ETFA: variants seen among roughly 807,000 people sequenced by gnomAD.
ETFA encodes the protein electron transfer flavoprotein subunit alpha, mitochondrial.
A neutral mutation model predicts 46.2 loss-of-function variants in ETFA; 22 were observed. The ratio of observed to expected loss-of-function variants is 0.48; its 90% CI spans 0.34 to 0.68. The LOEUF is 0.68. Ranked by LOEUF, ETFA falls within the 30% of genes least tolerant of loss-of-function variation. The pLI is 0.01. For missense variants in ETFA, 345 were observed against 401.1 expected (o/e 0.86, Z 1.19); for synonymous variants, 131 against 139.9 (o/e 0.94, Z 0.45).
chr15:76,233,766 A>AT (rs1432093053), intron 9 of ETFA, among the ~76,000 whole-genome samples: 1 of 152,212 alleles, frequency 6.6e-6, no homozygotes, highest in Admixed American at 6.5e-5. Context: ...TAACATAAAG[A>AT]TTTTTAAAGC....
At chr15:76,308,382 A>C (rs1053450187) in intron 1 of ETFA, among the ~76,000 whole-genome samples, 2 of 152,210 alleles carry the variant, frequency 1.3e-5, no homozygotes, top group African/African-American at 2.4e-5. Flanking sequence ...CTGGCAAACA[A>C]CACTTTGGCT....
intron 1 of ETFA, among the ~76,000 whole-genome samples, chr15:76,304,855 T>C (rs2049616405): frequency 6.6e-6 from 1 of 151,872 alleles, no homozygotes; most frequent in Admixed American, 6.6e-5. Context: ...CCATCCTGGC[T>C]AACATGGTGA....
chr15:76,290,333 CTT>C (rs10682432), intron 4 of ETFA, among the ~76,000 whole-genome samples: 4 of 97,138 alleles, frequency 4.1e-5, no homozygotes, highest in Admixed American at 1.4e-4. Flanking sequence ...AGTCGCTACT[CTT>C]TTTTTTTTTT....
chr15:76,263,450 C>T (rs368229358), intron 9 of ETFA, among the ~76,000 whole-genome samples: 10 of 152,302 alleles, frequency 6.6e-5, no homozygotes, highest in African/African-American at 1.2e-4. Context: ...GGAAGCTGAG[C>T]GCTTGGAAGA....
intron 2 of ETFA, among the ~76,000 whole-genome samples, chr15:76,295,284 CA>C (rs950429475): frequency 8.5e-5 from 13 of 152,124 alleles, no homozygotes; most frequent in Non-Finnish European, 1.9e-4. Flanking sequence ...TTCATCAACA[CA>C]AAAAAGAGAT....
chr15:76,295,933 A>ATTATTTTTTTTTTTTTTTTTTTT (rs1555459250), intron 1 of ETFA, among the ~76,000 whole-genome samples, 196 bp from the exon 2 acceptor site: 1 of 58,510 alleles, frequency 1.7e-5, no homozygotes, highest in Non-Finnish European at 4.0e-5. Flanking sequence ...TACCACTAAT[A>ATTATTTTTTTTTTTTTTTTTTTT]TTCTTTTTTT....
intron 9 of ETFA, among the ~76,000 whole-genome samples, chr15:76,269,777 C>T (rs2469541): frequency 0.46 from 69,895 of 151,952 alleles, 16,830 homozygotes; most frequent in East Asian, 0.62. Flanking sequence ...AGAAGGGAAC[C>T]TCCTCAATTT....
At chr15:76,262,898 C>T (rs1231600394) in intron 9 of ETFA, among the ~76,000 whole-genome samples, 1 of 152,028 alleles carries the variant, frequency 6.6e-6, no homozygotes, top group Non-Finnish European at 1.5e-5. Context: ...ACAATGAAGA[C>T]CAGAAGACAA....
chr15:76,265,591 C>T (rs1300538105), intron 9 of ETFA, among the ~76,000 whole-genome samples: 3 of 152,312 alleles, frequency 2.0e-5, no homozygotes, highest in South Asian at 2.1e-4. Context: ...CCACGGGTAT[C>T]GTTGGCGTAG....
intron 9 of ETFA, among the ~76,000 whole-genome samples, chr15:76,254,037 C>T (rs1385934889): frequency 6.6e-6 from 1 of 152,188 alleles, no homozygotes; most frequent in Non-Finnish European, 1.5e-5. Context: ...GAGGCAGAAT[C>T]CTGTAAGGGA....
Position 76,225,858 on chromosome 15 carries a change from A to G in ETFA, c.954T>C (p.Asp318=). The change falls in exon 11 of 12, where the codon GAT becomes GAC. Residue 318 remains aspartate, a synonymous_variant. Transcript: ENST00000557943. ...FQVADYGIVA[D]LFKVVPEMTE... Reference sequence around the variant, plus strand: ...CTCAAGGCCAGCTTACCTTAAATAAATCTGCAACTATTCCATAATCTGCCA... The same window carrying G: ...CTCAAGGCCAGCTTACCTTAAATAAGTCTGCAACTATTCCATAATCTGCCA... 1 of 1,603,830 alleles carries G rather than the reference A, an allele frequency of 6.2e-7. No homozygotes were observed. Among genetic ancestry groups the G allele is most frequent in the East Asian group, 2.2e-5 (1 of 44,746 alleles).
chr15:76,293,214 T>G (rs567231963), intron 2 of ETFA, among the ~76,000 whole-genome samples: 18 of 152,232 alleles, frequency 1.2e-4, no homozygotes, highest in Non-Finnish European at 2.5e-4. Flanking sequence ...TACTACTGAC[T>G]GACCTTACAC....
At chr15:76,273,876 G>A (rs2039566871) in intron 9 of ETFA, among the ~76,000 whole-genome samples, 1 of 152,082 alleles carries the variant, frequency 6.6e-6, no homozygotes. Context: ...CCAAGTTTTA[G>A]ACAGGCTTAA....
At position 76,242,574 on chromosome 15, in the gene ETFA, TCAAA is replaced by T. The variant is rs778589256; in HGVS notation, c.817-11180_817-11177del. On this transcript the variant is annotated intron_variant, in intron 9 of 11. Coordinates refer to ENST00000557943, the MANE Select transcript of ETFA (RefSeq NM_000126.4). The stretch of plus-strand genomic sequence containing the variant: ...ATTCAAAAGAACTGACAAGAGGGAC[TCAAA>T]CAGATACTTGCATGTGAATGTTCAT... Among the ~76,000 whole-genome samples, 5 of 152,334 alleles carry T rather than the reference TCAAA, an allele frequency of 3.3e-5. 1 individual carries two copies. Among genetic ancestry groups the T allele is most frequent in the Non-Finnish European group, 5.9e-5 (4 of 68,030 alleles).
intron 1 of ETFA, among the ~76,000 whole-genome samples, chr15:76,297,879 A>T (rs560683179): frequency 2.8e-4 from 42 of 152,288 alleles, no homozygotes; most frequent in Non-Finnish European, 4.4e-4. Flanking sequence ...CATTTCTCAG[A>T]TACCACCTAG....
chr15:76,268,899 C>T (rs1030792624), intron 9 of ETFA, among the ~76,000 whole-genome samples: 1 of 152,192 alleles, frequency 6.6e-6, no homozygotes, highest in Non-Finnish European at 1.5e-5. Context: ...TTATGTTACT[C>T]TTAAATGCCA....
At chr15:76,228,828 C>T (rs1455865493) in intron 10 of ETFA, 1 of 156,214 alleles carries the variant, frequency 6.4e-6, no homozygotes, top group Non-Finnish European at 1.4e-5. Context: ...GATCTCGGCT[C>T]ACTGCAGCCT....
In ETFA at chr15:76,283,786, T is replaced by C. The variant is rs745439952; in HGVS notation, c.704A>G (p.Tyr235Cys). The stretch of plus-strand genomic sequence containing the variant: ...AGCATGTAGTTGATCTGCCAAGTCA[T>C]ATAACAACTTAAAGTTCTCTCCACT... ...LKSGENFKLLYDLADQLHAAV... is the reference protein window; with the variant it reads ...LKSGENFKLLCDLADQLHAAV... Residue 235 changes from tyrosine to cysteine, a missense_variant, in exon 8 of 12, where the codon TAT becomes TGT. Physicochemically the swap from Tyr to Cys is radical, Grantham distance 194. Coordinates refer to ENST00000557943, the MANE Select transcript of ETFA (RefSeq NM_000126.4). 2.5e-6 allele frequency: 4 copies of C among 1,611,754 alleles called. No individual in the cohort carries two copies. In the South Asian group the frequency reaches 3.3e-5, roughly 13 times the overall value.
chr15:76,269,451 C>A (rs762060438), intron 9 of ETFA, among the ~76,000 whole-genome samples: 2 of 152,188 alleles, frequency 1.3e-5, no homozygotes, highest in Non-Finnish European at 2.9e-5. Flanking sequence ...AGCTGTAGCT[C>A]ATTTGCTTGA....
Sources: gnomAD v4.1 joint callset for allele counts (sites outside exome capture counted in the v4.1 genomes callset) on GRCh38, gnomAD v4.1.1 for gene constraint, MANE v1.5 for transcripts, NCBI Gene and HGNC (gene_info 2026-07-23, HGNC 2026-07-21) for gene names.